Variants in ADGRG6 observed in about 807,000 individuals in gnomAD.
ADGRG6 encodes G-protein coupled receptor 126.
ADGRG6 carries 84 observed loss-of-function variants against 142.4 expected under a neutral mutation model. The observed-to-expected ratio is 0.59, with a 90% CI of 0.49 to 0.71. The LOEUF (loss-of-function observed/expected upper bound fraction) is 0.71. Ranked by LOEUF, ADGRG6 falls within the 30% of genes least tolerant of loss-of-function variation. ADGRG6 has a pLI of 0.00. For missense variants in ADGRG6, 1,367 were observed against 1,466.6 expected, an observed-to-expected ratio of 0.93 and a Z score of 1.11; for synonymous variants, 521 against 520.5, an observed-to-expected ratio of 1.00 and a Z score of -0.01.
chr6:142,378,841 T>C (rs947136776), intron 4 of ADGRG6, among the ~76,000 whole-genome samples: 5 of 152,222 alleles, frequency 3.3e-5, no homozygotes, highest in African/African-American at 9.7e-5. Flanking sequence ...TTCTTGATAT[T>C]GTCACACCCT....
intron 2 of ADGRG6, among the ~76,000 whole-genome samples, chr6:142,323,444 G>A (rs895081544): frequency 8.6e-5 from 13 of 151,900 alleles, no homozygotes; most frequent in Admixed American, 3.3e-4. Flanking sequence ...CTGATTTAGC[G>A]GATATTTTGC....
At chr6:142,436,556 T>C (rs534344557) in intron 22 of ADGRG6, among the ~76,000 whole-genome samples, 1 of 151,986 alleles carries the variant, frequency 6.6e-6, no homozygotes, top group East Asian at 1.9e-4. Flanking sequence ...CAAGAAGTTT[T>C]ATTGGGAAAA....
chr6:142,324,101 TCTGA>T (rs1778648240), intron 2 of ADGRG6, among the ~76,000 whole-genome samples: 1 of 152,092 alleles, frequency 6.6e-6, no homozygotes, highest in Non-Finnish European at 1.5e-5. Flanking sequence ...GCATTTCTTG[TCTGA>T]CTGTATTTTT....
At chr6:142,360,969 GC>G (rs1780684276) in intron 2 of ADGRG6, among the ~76,000 whole-genome samples, 1 of 152,094 alleles carries the variant, frequency 6.6e-6, no homozygotes, top group Admixed American at 6.5e-5. Context: ...TTGCTCTCTA[GC>G]CCCTTAGCTT....
At chr6:142,325,619 G>A (rs1222516883) in intron 2 of ADGRG6, among the ~76,000 whole-genome samples, 1 of 151,934 alleles carries the variant, frequency 6.6e-6, no homozygotes, top group Non-Finnish European at 1.5e-5. Flanking sequence ...TATTGTATCT[G>A]TGCCCTGTTC....
rs66489806 is a variant in ADGRG6 at position 142,309,745 on chromosome 6, CTTTTTT to C, written c.103+108_103+113del. ...ATGTTGCCTTACTTTTACTTACTGCCTTTTTTTTTTTTCCTGTTTCTATCCTTATAG... is the reference window on the plus strand; with the variant it reads ...ATGTTGCCTTACTTTTACTTACTGCCTTTTTTCCTGTTTCTATCCTTATAG... On this transcript the variant is annotated intron_variant, in intron 2 of 24. Coordinates refer to ENST00000367609, the MANE Select transcript of ADGRG6 (RefSeq NM_198569.3). 213 of 527,608 alleles carry C rather than the reference CTTTTTT, an allele frequency of 4.0e-4. No homozygotes were observed. In the African/African-American group the frequency reaches 4.2e-3, roughly 10 times the overall value. The allele number at this position is 527,608 out of a possible 1,614,324, so 32.7% of individuals were successfully genotyped here.
chr6:142,443,644 A>T lies in ADGRG6; in HGVS notation c.*129A>T, dbSNP rs536685865. 45 of 572,824 alleles carry T rather than the reference A, an allele frequency of 7.9e-5. No homozygotes were observed. The East Asian group carries it at 1.4e-3, about 18-fold the overall frequency. 35.5% of individuals were successfully genotyped at this position (572,824 alleles called of 1,614,324 possible). A position where few individuals can be genotyped will look rare whatever the true frequency, so the allele number is the denominator to read the frequency against. ...TATATAAGGAATGTATTTTGTTAAG[A>T]AGGCTTTTGTGAAATTCAGAATTTT... is the stretch of plus-strand genomic sequence containing the variant. On this transcript the variant is annotated 3_prime_UTR_variant, in exon 25 of 25. Coordinates refer to ENST00000367609, the MANE Select transcript of ADGRG6 (RefSeq NM_198569.3).
At chr6:142,341,763 C>A (rs1036504482) in intron 2 of ADGRG6, among the ~76,000 whole-genome samples, 54 of 147,342 alleles carry the variant, frequency 3.7e-4, no homozygotes, top group African/African-American at 1.4e-3. Context: ...CAAGTTGCAC[C>A]CCATTTTTAC....
At chr6:142,313,375 G>C (rs1320925056) in intron 2 of ADGRG6, among the ~76,000 whole-genome samples, 1 of 152,044 alleles carries the variant, frequency 6.6e-6, no homozygotes, top group Non-Finnish European at 1.5e-5. Flanking sequence ...CAAGCAGACA[G>C]AGGGTTATGG....
intron 21 of ADGRG6, among the ~76,000 whole-genome samples, chr6:142,419,285 GC>G (rs1776534997): frequency 6.6e-6 from 1 of 152,140 alleles, no homozygotes; most frequent in African/African-American, 2.4e-5. Context: ...GACAGAAGAT[GC>G]TGGCTGCGGC....
chr6:142,434,665 C>T (rs1168779170), intron 22 of ADGRG6, among the ~76,000 whole-genome samples: 1 of 152,126 alleles, frequency 6.6e-6, no homozygotes, highest in African/African-American at 2.4e-5. Context: ...AAATCAATGA[C>T]CAAATATAGT....
intron 2 of ADGRG6, among the ~76,000 whole-genome samples, chr6:142,326,307 C>CAA (rs74763325): frequency 7.6e-6 from 1 of 131,576 alleles, no homozygotes; most frequent in African/African-American, 2.8e-5. Flanking sequence ...GTCCTCCCAG[C>CAA]AAAAAAAAAA....
intron 24 of ADGRG6, among the ~76,000 whole-genome samples, chr6:142,442,278 A>G (rs1450068773): frequency 6.6e-6 from 1 of 152,206 alleles, no homozygotes; most frequent in Non-Finnish European, 1.5e-5. Flanking sequence ...ATAAAAGTTC[A>G]TATCTTCTTT....
At chr6:142,307,282 T>C (rs1033954109) in intron 1 of ADGRG6, among the ~76,000 whole-genome samples, 6 of 152,122 alleles carry the variant, frequency 3.9e-5, no homozygotes, top group African/African-American at 1.4e-4. Flanking sequence ...TCTGTTAATA[T>C]CTGTAAGGGT....
chr6:142,416,677 A>T (rs1776374289), intron 20 of ADGRG6, among the ~76,000 whole-genome samples: 1 of 152,170 alleles, frequency 6.6e-6, no homozygotes, highest in Non-Finnish European at 1.5e-5. Flanking sequence ...AATATAAGTG[A>T]GAGATATTTT....
intron 2 of ADGRG6, among the ~76,000 whole-genome samples, chr6:142,315,679 A>C (rs986405849): frequency 6.6e-6 from 1 of 151,934 alleles, no homozygotes; most frequent in Admixed American, 6.6e-5. Context: ...AAAAATCCAA[A>C]AATTAGCCTG....
chr6:142,356,483 AATGAACACAAAGTCTC>A (rs374174502), intron 2 of ADGRG6, among the ~76,000 whole-genome samples: 1,795 of 152,318 alleles, frequency 0.012, 37 homozygotes, highest in African/African-American at 0.04. Flanking sequence ...AAAGTGGACA[AATGAACACAAAGTCTC>A]ATGAACACTC....
chr6:142,341,554 A>G (rs1443746572), intron 2 of ADGRG6, among the ~76,000 whole-genome samples: 21 of 122,818 alleles, frequency 1.7e-4, no homozygotes, highest in African/African-American at 6.7e-4. Context: ...AATATATAGT[A>G]TATATACTAT....
Position 142,396,654 on chromosome 6 carries a change from A to T in ADGRG6, c.1425-959A>T, listed in dbSNP as rs866796000. The stretch of plus-strand genomic sequence containing the variant: ...CTACCACTTTGTCTTTGGCGTGAAG[A>T]CAGTAACTGATCTCAATAATATAAC... On this transcript the variant is annotated intron_variant, in intron 9 of 24. Coordinates refer to ENST00000367609, the MANE Select transcript of ADGRG6 (RefSeq NM_198569.3). Among the ~76,000 whole-genome samples the T allele has an allele frequency of 4.6e-5, 7 of 152,294 alleles. No individual in the cohort carries two copies. In the Middle Eastern group the frequency reaches 0.01, roughly 222 times the overall value.
Sources: allele counts gnomAD v4.1 joint callset (sites outside exome capture counted in the v4.1 genomes callset), GRCh38; gene constraint gnomAD v4.1.1; transcripts MANE v1.5; gene names NCBI Gene and HGNC (gene_info 2026-07-23, HGNC 2026-07-21).